Variants in MIPOL1 observed in about 807,000 individuals in gnomAD.
MIPOL1 encodes the protein mirror-image polydactyly 1.
Under a neutral mutation model 60.9 loss-of-function variants are expected in MIPOL1, and 57 were observed. The ratio of observed to expected loss-of-function variants is 0.94; its 90% confidence interval spans 0.76 to 1.17. The LOEUF is 1.17. MIPOL1 is among the 50% of genes most tolerant of loss of function. The probability of loss-of-function intolerance (pLI) is 0.00; values close to 1 mark genes in which losing one functional copy is unlikely to be tolerated. For missense variants in MIPOL1, 551 were observed against 511.6 expected, an observed-to-expected ratio of 1.08 and a Z score of -0.74; for synonymous variants, 179 against 168.8, an observed-to-expected ratio of 1.06 and a Z score of -0.47.
intron 10 of MIPOL1, among the ~76,000 whole-genome samples, chr14:37,398,701 A>G (rs2093425020): frequency 1.3e-5 from 2 of 152,212 alleles, no homozygotes; most frequent in South Asian, 2.1e-4. Flanking sequence ...CAGGTAAGCA[A>G]ATCACACCCC....
At chr14:37,237,141 T>C (rs960774821) in intron 1 of MIPOL1, among the ~76,000 whole-genome samples, 16 of 152,282 alleles carry the variant, frequency 1.1e-4, no homozygotes, top group African/African-American at 3.8e-4. Context: ...TCTGTGGATC[T>C]GTTGTCACTT....
chr14:37,461,786 G>A (rs910440785), intron 11 of MIPOL1, among the ~76,000 whole-genome samples: 1 of 152,174 alleles, frequency 6.6e-6, no homozygotes, highest in African/African-American at 2.4e-5. Context: ...TTGACTCCAT[G>A]TTTCACATCC....
At chr14:37,373,999 A>G (rs936612251) in intron 10 of MIPOL1, among the ~76,000 whole-genome samples, 1 of 152,206 alleles carries the variant, frequency 6.6e-6, no homozygotes, top group Non-Finnish European at 1.5e-5. Context: ...CACTCCCACC[A>G]ACAGTGTAAA....
intron 1 of MIPOL1, among the ~76,000 whole-genome samples, chr14:37,230,725 A>G (rs1054216326): frequency 6.6e-6 from 1 of 152,206 alleles, no homozygotes; most frequent in Admixed American, 6.5e-5. Flanking sequence ...GGTTTACTGC[A>G]AAATTAATAA....
At chr14:37,305,162 A>T (rs1595036613) in intron 7 of MIPOL1, among the ~76,000 whole-genome samples, 1 of 151,844 alleles carries the variant, frequency 6.6e-6, no homozygotes, top group African/African-American at 2.4e-5. Flanking sequence ...GTTTTAAGTG[A>T]CACAGTATGT....
chr14:37,485,543 T>C (rs1594650743), intron 11 of MIPOL1, among the ~76,000 whole-genome samples: 1 of 152,366 alleles, frequency 6.6e-6, no homozygotes, highest in Non-Finnish European at 1.5e-5. Context: ...CGTGAGATGG[T>C]ATCTCATTGT....
intron 11 of MIPOL1, among the ~76,000 whole-genome samples, chr14:37,474,740 C>T (rs1319427500): frequency 2.6e-5 from 4 of 152,138 alleles, no homozygotes; most frequent in Non-Finnish European, 5.9e-5. Flanking sequence ...TACTATTTTG[C>T]ATCCCCACCA....
chr14:37,316,628 G>A (rs1383181213), intron 9 of MIPOL1, among the ~76,000 whole-genome samples: 3 of 146,588 alleles, frequency 2.0e-5, no homozygotes, highest in African/African-American at 5.1e-5. Flanking sequence ...TTAATGGGAT[G>A]TTCTAGCACA....
chr14:37,398,038 T>G (rs931221227), intron 10 of MIPOL1, among the ~76,000 whole-genome samples: 2 of 152,154 alleles, frequency 1.3e-5, no homozygotes, highest in African/African-American at 4.8e-5. Context: ...GAGATTTCCT[T>G]CTCCCTGTGG....
intron 10 of MIPOL1, among the ~76,000 whole-genome samples, chr14:37,415,449 C>T (rs1019372416): frequency 3.3e-5 from 5 of 151,662 alleles, no homozygotes; most frequent in African/African-American, 1.2e-4. Flanking sequence ...GGTGAAACCC[C>T]TGTCTCTACT....
rs374218444 is a variant in MIPOL1 at position 37,486,025 on chromosome 14, G to T, written c.1032-13883G>T. Among the ~76,000 whole-genome samples, 6 of 152,224 alleles carry T rather than the reference G, an allele frequency of 3.9e-5. No homozygotes were observed. In the South Asian group the frequency reaches 1.2e-3, roughly 32 times the overall value. On this transcript the variant is annotated intron_variant, in intron 11 of 12. Transcript: ENST00000684589. ...ATTTTTGTATAAGATGTAAGGAAGGGATCCAGTTTTAGTTTTCTTCATATG... is the reference window on the plus strand; with the variant it reads ...ATTTTTGTATAAGATGTAAGGAAGGTATCCAGTTTTAGTTTTCTTCATATG...
At chr14:37,490,957 CT>C (rs2095039279) in intron 11 of MIPOL1, among the ~76,000 whole-genome samples, 1 of 152,174 alleles carries the variant, frequency 6.6e-6, no homozygotes, top group Non-Finnish European at 1.5e-5. Context: ...CTTCCATCTC[CT>C]CAAAAGCAGA....
intron 9 of MIPOL1, among the ~76,000 whole-genome samples, chr14:37,362,291 G>T (rs927786989): frequency 1.3e-5 from 2 of 152,146 alleles, no homozygotes; most frequent in Non-Finnish European, 2.9e-5. Flanking sequence ...AGGAGCTCTT[G>T]TAAGGCAGGC....
chr14:37,524,340 T>G (rs2095432519), intron 12 of MIPOL1, among the ~76,000 whole-genome samples: 1 of 151,966 alleles, frequency 6.6e-6, no homozygotes, highest in Non-Finnish European at 1.5e-5. Context: ...ATTTGGACAG[T>G]AGACTTTCTG....
intron 3 of MIPOL1, among the ~76,000 whole-genome samples, chr14:37,263,094 A>G (rs1184165386): frequency 2.6e-5 from 4 of 152,214 alleles, no homozygotes; most frequent in Non-Finnish European, 4.4e-5. Flanking sequence ...TATCTGAAGA[A>G]TTGAACTCAA....
intron 7 of MIPOL1, among the ~76,000 whole-genome samples, chr14:37,305,143 T>C (rs2086674225): frequency 6.6e-6 from 1 of 151,756 alleles, no homozygotes; most frequent in African/African-American, 2.4e-5. Context: ...GTTGTCTAAG[T>C]TTTGTGTTGT....
intron 7 of MIPOL1, among the ~76,000 whole-genome samples, chr14:37,297,889 T>C (rs2085920080): frequency 6.6e-6 from 1 of 152,162 alleles, no homozygotes; most frequent in South Asian, 2.1e-4. Flanking sequence ...CCCAAGGTAA[T>C]TTATAGATTT....
At chr14:37,441,939 T>G (rs542444896) in intron 11 of MIPOL1, among the ~76,000 whole-genome samples, 1 of 152,212 alleles carries the variant, frequency 6.6e-6, no homozygotes, top group African/African-American at 2.4e-5. Flanking sequence ...CTACAGTATC[T>G]TTAATCTGTG....
At chr14:37,437,320 G>A (rs927091939) in intron 11 of MIPOL1, among the ~76,000 whole-genome samples, 1 of 152,018 alleles carries the variant, frequency 6.6e-6, no homozygotes, top group Non-Finnish European at 1.5e-5. Context: ...TTTATTCAAT[G>A]TTAATCTGAT....
Sources: allele counts gnomAD v4.1 joint callset (sites outside exome capture counted in the v4.1 genomes callset), GRCh38; gene constraint gnomAD v4.1.1; transcripts MANE v1.5; gene names NCBI Gene and HGNC (gene_info 2026-07-23, HGNC 2026-07-21).